Variants in QTMAN observed in about 807,000 individuals in gnomAD.
QTMAN encodes the protein tRNA-queuosine alpha-mannosyltransferase.
the QTMAN span, among the ~76,000 whole-genome samples, chr2:144,064,080 T>C: frequency 1.1e-4 from 16 of 152,014 alleles, no homozygotes; most frequent in Admixed American, 3.3e-4. Flanking sequence ...AAAGGAAAAA[T>C]CAGCACCTGA....
the QTMAN span, among the ~76,000 whole-genome samples, chr2:144,113,097 C>T: frequency 3.9e-5 from 6 of 152,198 alleles, no homozygotes; most frequent in African/African-American, 1.4e-4. Flanking sequence ...AACCACAATA[C>T]CAAACTGAAT....
At chr2:144,247,266 T>C in the QTMAN span, among the ~76,000 whole-genome samples, 2 of 152,200 alleles carry the variant, frequency 1.3e-5, no homozygotes, top group East Asian at 1.9e-4. Context: ...ATTCCCTTTA[T>C]GGAAAATTAT....
the QTMAN span, among the ~76,000 whole-genome samples, chr2:143,961,012 A>G: frequency 6.6e-6 from 1 of 152,110 alleles, no homozygotes. Flanking sequence ...TATTTTACAG[A>G]TGAGTAAAGT....
the QTMAN span, among the ~76,000 whole-genome samples, chr2:144,171,715 G>A: frequency 3.3e-5 from 5 of 152,002 alleles, no homozygotes; most frequent in Admixed American, 2.0e-4. Context: ...CAAACCCCTA[G>A]AGCAATAACG....
the QTMAN span, among the ~76,000 whole-genome samples, chr2:144,170,382 T>C: frequency 2.6e-5 from 4 of 152,156 alleles, no homozygotes; most frequent in African/African-American, 4.8e-5. Context: ...GTAAGCAGCA[T>C]GAGCATCATT....
the QTMAN span, among the ~76,000 whole-genome samples, chr2:143,985,898 G>A: frequency 1.3e-5 from 2 of 152,214 alleles, no homozygotes; most frequent in Admixed American, 1.3e-4. Flanking sequence ...GCATAGGTTA[G>A]TACATTTTAG....
At chr2:143,946,804 G>T in the QTMAN span, 1 of 491,102 alleles carries the variant, frequency 2.0e-6, no homozygotes, top group South Asian at 3.8e-5. Context: ...GTGATGCCGA[G>T]GACATGTGTA....
At chr2:144,206,627 G>A in the QTMAN span, among the ~76,000 whole-genome samples, 3,789 of 152,212 alleles carry the variant, frequency 0.025, 148 homozygotes, top group African/African-American at 0.087. Context: ...ATTGTTAGGC[G>A]GTGGAGGTTA....
chr2:144,285,104 C>CA, the QTMAN span, among the ~76,000 whole-genome samples: 1 of 149,232 alleles, frequency 6.7e-6, no homozygotes, highest in Non-Finnish European at 1.5e-5. Flanking sequence ...GACCCTGTCT[C>CA]AAAAAATAAA....
the QTMAN span, among the ~76,000 whole-genome samples, chr2:144,292,174 C>T: frequency 1.3e-5 from 2 of 152,160 alleles, no homozygotes; most frequent in African/African-American, 4.8e-5. Context: ...TGTCCACTGC[C>T]TAACAAGTAA....
the QTMAN span, among the ~76,000 whole-genome samples, chr2:144,157,019 C>T: frequency 6.6e-6 from 1 of 152,048 alleles, no homozygotes; most frequent in Non-Finnish European, 1.5e-5. Flanking sequence ...AAGAAAGTCA[C>T]AGTTGCTGCT....
At chr2:144,112,417 C>G in the QTMAN span, among the ~76,000 whole-genome samples, 1 of 152,232 alleles carries the variant, frequency 6.6e-6, no homozygotes, top group Admixed American at 6.5e-5. Context: ...AGTTCCCTGG[C>G]TTTCTTTCTG....
the QTMAN span, among the ~76,000 whole-genome samples, chr2:144,121,663 A>G: frequency 6.6e-6 from 1 of 152,248 alleles, no homozygotes; most frequent in Non-Finnish European, 1.5e-5. Context: ...TCTGCTTTAT[A>G]GGACCTAAGA....
chr2:144,030,603 G>C, the QTMAN span, among the ~76,000 whole-genome samples: 1 of 152,012 alleles, frequency 6.6e-6, no homozygotes, highest in Non-Finnish European at 1.5e-5. Flanking sequence ...ACTTAAGGCT[G>C]GTTCTCTAAC....
chr2:144,106,936 A>C, the QTMAN span, among the ~76,000 whole-genome samples: 6 of 152,170 alleles, frequency 3.9e-5, no homozygotes, highest in South Asian at 2.1e-4. Flanking sequence ...CAAACTAGAA[A>C]TCAGGATTAA....
chr2:144,078,037 C>T, the QTMAN span, among the ~76,000 whole-genome samples: 2 of 152,226 alleles, frequency 1.3e-5, no homozygotes, highest in East Asian at 3.9e-4. Context: ...AGGTATTTTC[C>T]AGCACAATTT....
chr2:144,287,471 T>C, the QTMAN span, among the ~76,000 whole-genome samples: 11 of 152,182 alleles, frequency 7.2e-5, no homozygotes, highest in African/African-American at 2.6e-4. Flanking sequence ...AAAATGGTAT[T>C]GTATGAACAT....
At chr2:144,099,356 G>C in the QTMAN span, among the ~76,000 whole-genome samples, 1 of 152,254 alleles carries the variant, frequency 6.6e-6, no homozygotes, top group Middle Eastern at 3.4e-3. Flanking sequence ...GTAGTAAATA[G>C]AAGACAGAAT....
At chr2:144,078,014 A>AG in the QTMAN span, among the ~76,000 whole-genome samples, 151,671 of 152,352 alleles carry the variant, frequency 1, 75,500 homozygotes, top group East Asian at 1. Flanking sequence ...AAAATTATTT[A>AG]ATGTTTATTT....
Sources: allele counts gnomAD v4.1 joint callset (sites outside exome capture counted in the v4.1 genomes callset), GRCh38; gene constraint gnomAD v4.1.1; transcripts MANE v1.5; gene names NCBI Gene and HGNC (gene_info 2026-07-23, HGNC 2026-07-21).